PCDHA5: variants seen among roughly 807,000 people sequenced by gnomAD.
The protein encoded by PCDHA5 is protocadherin alpha 5.
Under a neutral mutation model 61.6 loss-of-function variants are expected in PCDHA5, and 43 were observed. The observed-to-expected ratio is 0.70, with a 90% CI of 0.55 to 0.90. PCDHA5 has a LOEUF of 0.90. Ranked by LOEUF, PCDHA5 falls within the 40% of genes least tolerant of loss-of-function variation. The pLI is 0.00. For missense variants in PCDHA5, 1,298 were observed against 1,222.7 expected (o/e 1.06, Z -0.92); for synonymous variants, 627 against 543.9 (o/e 1.15, Z -2.13).
At chr5:140,966,845 C>A in intron 1 of PCDHA5, 1 of 1,570,444 alleles carries the variant, frequency 6.4e-7, no homozygotes, top group Non-Finnish European at 8.6e-7. Flanking sequence ...GCTGCTACTG[C>A]CTCTCCTGCT....
chr5:140,992,414 G>T (rs868994021), intron 3 of PCDHA5, among the ~76,000 whole-genome samples: 1 of 152,128 alleles, frequency 6.6e-6, no homozygotes, highest in African/African-American at 2.4e-5. Flanking sequence ...TCTGCCCCAG[G>T]TCTAAGAATA....
At chr5:140,850,104 G>A (rs2150467227) in intron 1 of PCDHA5, 1 of 1,596,106 alleles carries the variant, frequency 6.3e-7, no homozygotes, top group Non-Finnish European at 8.6e-7. Flanking sequence ...CCAGGTGAGC[G>A]CGCGCGACGC....
intron 1 of PCDHA5, among the ~76,000 whole-genome samples, chr5:140,838,872 G>A (rs2150293178): frequency 6.6e-6 from 1 of 152,012 alleles, no homozygotes; most frequent in Non-Finnish European, 1.5e-5. Flanking sequence ...CAGTTATCAT[G>A]CCACTGAACT....
chr5:140,983,005 A>AAAGG (rs1223217874), intron 3 of PCDHA5, among the ~76,000 whole-genome samples: 11 of 152,228 alleles, frequency 7.2e-5, no homozygotes, highest in African/African-American at 2.4e-4. Flanking sequence ...AAAGAAAGAA[A>AAAGG]AAGGAAGGAA....
At chr5:140,930,902 T>C (rs1474835953) in intron 1 of PCDHA5, among the ~76,000 whole-genome samples, 1 of 152,212 alleles carries the variant, frequency 6.6e-6, no homozygotes, top group Non-Finnish European at 1.5e-5. Flanking sequence ...TTTAACTTAC[T>C]TTTCTACTTT....
At chr5:140,836,560 C>G (rs782229036) in intron 1 of PCDHA5, 1 of 1,613,738 alleles carries the variant, frequency 6.2e-7, no homozygotes, top group Non-Finnish European at 8.5e-7. Flanking sequence ...TGCTCAGCGC[C>G]GTCCTCTGAG....
At chr5:140,996,082 T>A (rs782553216) in intron 3 of PCDHA5, among the ~76,000 whole-genome samples, 6 of 152,248 alleles carry the variant, frequency 3.9e-5, no homozygotes, top group Non-Finnish European at 7.3e-5. Context: ...AAGATGTTTT[T>A]GCTAGATTAC....
At chr5:140,956,994 A>T (rs2095325479) in intron 1 of PCDHA5, among the ~76,000 whole-genome samples, 1 of 152,168 alleles carries the variant, frequency 6.6e-6, no homozygotes, top group Non-Finnish European at 1.5e-5. Flanking sequence ...AATTCAAGGA[A>T]GTGGTCTGAA....
chr5:140,975,983 T>A (rs975014640), intron 1 of PCDHA5, among the ~76,000 whole-genome samples: 31 of 152,290 alleles, frequency 2.0e-4, no homozygotes, highest in Admixed American at 2.0e-3. Flanking sequence ...AGCATAGTCC[T>A]GGGAGGTACC....
In PCDHA5 at chr5:140,836,149, A is replaced by C. The variant is rs1463857547; in HGVS notation, c.2352+12022A>C. On this transcript the variant is annotated intron_variant, in intron 1 of 3. Coordinates refer to ENST00000529859, the MANE Select transcript of PCDHA5 (RefSeq NM_018908.3). Reference sequence around the variant, plus strand: ...GTGCCGCGGTCTGTGGGCGCGGGCCATGTGGTGGCGAAGGTACGTGCAGTT... The same window carrying C: ...GTGCCGCGGTCTGTGGGCGCGGGCCCTGTGGTGGCGAAGGTACGTGCAGTT... The C allele has an allele frequency of 1.2e-6, 2 of 1,613,636 alleles. No homozygotes were observed. The highest frequency in any genetic ancestry group is 1.7e-6 in the Non-Finnish European group (2 of 1,179,796).
chr5:140,842,636 G>A, intron 1 of PCDHA5: 2 of 1,591,718 alleles, frequency 1.3e-6, no homozygotes, highest in South Asian at 1.1e-5. Flanking sequence ...GTGGGCCACC[G>A]CCAGCTTGTC....
Position 140,848,199 on chromosome 5 carries a change from AATC to A in PCDHA5, c.2352+24075_2352+24077del, listed in dbSNP as rs2150407324. The stretch of plus-strand genomic sequence containing the variant: ...GAGAAACGGGATCTTCTGTTTCAAC[AATC>A]ATTACTTAAGAAAAAATTAAGAAAA... On this transcript the variant is annotated intron_variant, in intron 1 of 3. Coordinates refer to ENST00000529859, the MANE Select transcript of PCDHA5 (RefSeq NM_018908.3). The A allele has an allele frequency of 2.2e-5, 7 of 318,910 alleles. No individual in the cohort carries two copies. The South Asian group carries it at 2.2e-4, about 10-fold the overall frequency. The allele number at this position is 318,910 out of a possible 1,614,324, so 19.8% of individuals were successfully genotyped here.
intron 1 of PCDHA5, among the ~76,000 whole-genome samples, chr5:140,916,747 G>T (rs1445361224): frequency 2.6e-5 from 4 of 152,220 alleles, no homozygotes; most frequent in African/African-American, 9.6e-5. Context: ...TTCACTGCCT[G>T]GGATTAGGGG....
chr5:140,969,404 G>A (rs1345885868), intron 1 of PCDHA5: 2 of 1,577,250 alleles, frequency 1.3e-6, no homozygotes, highest in Admixed American at 1.9e-5. Context: ...CTGTGATTTG[G>A]CTTTATTGAG....
chr5:141,009,060 G>C (rs1192687086), intron 3 of PCDHA5, among the ~76,000 whole-genome samples: 4 of 152,176 alleles, frequency 2.6e-5, no homozygotes, highest in Non-Finnish European at 5.9e-5. Context: ...AATCACAACT[G>C]TATTCTTTAG....
intron 1 of PCDHA5, chr5:140,850,857 G>C: frequency 6.3e-7 from 1 of 1,595,010 alleles, no homozygotes; most frequent in Non-Finnish European, 8.6e-7. Flanking sequence ...GCGAACGGGA[G>C]AACCCTCTGC....
Position 140,968,579 on chromosome 5 carries a change from A to G in PCDHA5, c.2353-10370A>G, listed in dbSNP as rs1554230883. On this transcript the variant is annotated intron_variant, in intron 1 of 3. Coordinates refer to ENST00000529859, the MANE Select transcript of PCDHA5 (RefSeq NM_018908.3). ...AACTGCCCCTGCTGGCTACCTGGTCACCAAAGTCATAGCTATGGACTCAGA... is the reference window on the plus strand; with the variant it reads ...AACTGCCCCTGCTGGCTACCTGGTCGCCAAAGTCATAGCTATGGACTCAGA... 6 of 1,614,182 alleles carry G rather than the reference A, an allele frequency of 3.7e-6. No homozygotes were observed. The highest frequency in any genetic ancestry group is 5.1e-6 in the Non-Finnish European group (6 of 1,180,042).
At chr5:140,833,054 T>G (rs1193790961) in intron 1 of PCDHA5, among the ~76,000 whole-genome samples, 1 of 152,118 alleles carries the variant, frequency 6.6e-6, no homozygotes. Context: ...AGAAAAGTAA[T>G]ATGAGAAAAA....
chr5:140,941,475 C>T (rs1554214513), intron 1 of PCDHA5, among the ~76,000 whole-genome samples: 1 of 151,578 alleles, frequency 6.6e-6, no homozygotes, highest in Non-Finnish European at 1.5e-5. Context: ...ACCACCACGC[C>T]TGGCTAATTT....
Sources: gnomAD v4.1 joint callset for allele counts (sites outside exome capture counted in the v4.1 genomes callset) on GRCh38, gnomAD v4.1.1 for gene constraint, MANE v1.5 for transcripts, NCBI Gene and HGNC (gene_info 2026-07-23, HGNC 2026-07-21) for gene names.